The following GSE1 variants were observed in gnomAD, a reference collection of about 807,000 sequenced individuals.
GSE1 encodes Gse1 coiled-coil protein, also known as genetic suppressor element 1.
Under a neutral mutation model 112.6 loss-of-function variants are expected in GSE1, and 32 were observed. That is an observed-to-expected ratio of 0.28 (90% confidence interval 0.21 to 0.38). GSE1 has a LOEUF of 0.38. Ranked by LOEUF, GSE1 falls within the 10% of genes least tolerant of loss-of-function variation. The probability of loss-of-function intolerance (pLI) is 1.00; values close to 1 mark genes in which losing one functional copy is unlikely to be tolerated. For synonymous variants in GSE1, 1,115 were observed against 735.6 expected (o/e 1.52, Z -8.35); for missense variants, 2,348 against 1,699.2 (o/e 1.38, Z -6.71).
chr16:85,364,438 A>T (rs927454168), intron 2 of GSE1, among the ~76,000 whole-genome samples: 2 of 152,166 alleles, frequency 1.3e-5, no homozygotes, highest in Non-Finnish European at 2.9e-5. Context: ...AGGGATTGGG[A>T]TGTAGACATC....
chr16:85,665,149 C>G, intron 12 of GSE1, 21 bp downstream of exon 12: 1 of 1,410,346 alleles, frequency 7.1e-7, no homozygotes, highest in Non-Finnish European at 1.0e-6. Context: ...GATAGCCCCA[C>G]CTGCCACCAC....
intron 3 of GSE1, among the ~76,000 whole-genome samples, chr16:85,653,424 TA>T (rs1368066793): frequency 6.7e-6 from 1 of 148,792 alleles, no homozygotes; most frequent in Non-Finnish European, 1.5e-5. Context: ...TCTGCGTGGC[TA>T]GGGGTGGCAC....
intron 2 of GSE1, among the ~76,000 whole-genome samples, chr16:85,516,970 T>TTTG (rs1177433835): frequency 7.2e-5 from 11 of 152,136 alleles, no homozygotes; most frequent in Non-Finnish European, 1.3e-4. Context: ...GCTAATTTTT[T>TTTG]GTATTTTTAG....
At chr16:85,272,464 G>C (rs932398593) in intron 1 of GSE1, among the ~76,000 whole-genome samples, 1 of 152,172 alleles carries the variant, frequency 6.6e-6, no homozygotes, top group Non-Finnish European at 1.5e-5. Flanking sequence ...TCTGGTTTTG[G>C]TGAGATCTTT....
chr16:85,654,507 G>C, intron 4 of GSE1, 57 bp downstream of exon 4: 1 of 1,444,884 alleles, frequency 6.9e-7, no homozygotes, highest in African/African-American at 1.4e-5. Context: ...CAGTGCTCAG[G>C]GTCTGGGTCC....
intron 2 of GSE1, among the ~76,000 whole-genome samples, chr16:85,403,455 G>C (rs537940854): frequency 4.6e-5 from 7 of 152,212 alleles, no homozygotes; most frequent in African/African-American, 2.4e-5. Context: ...GGTTAAGTTT[G>C]TTAATGAATG....
At chr16:85,656,087 G>A (rs977823251) in intron 6 of GSE1, among the ~76,000 whole-genome samples, 170 bp downstream of exon 6, 4 of 152,154 alleles carry the variant, frequency 2.6e-5, no homozygotes, top group African/African-American at 4.8e-5. Context: ...CTGAAATAGC[G>A]CCTGTCTCGG....
chr16:85,644,357 AAAAG>A (rs1377567738), intron 2 of GSE1, among the ~76,000 whole-genome samples: 4 of 151,676 alleles, frequency 2.6e-5, no homozygotes, highest in Admixed American at 2.0e-4. Context: ...AAAAAAAAAA[AAAAG>A]AGTGTTGGGC....
chr16:85,188,792 C>A (rs1567599054), intron 1 of GSE1, among the ~76,000 whole-genome samples: 1 of 148,086 alleles, frequency 6.8e-6, no homozygotes, highest in Non-Finnish European at 1.5e-5. Flanking sequence ...TAGAGTGGGA[C>A]CTTATCTCTA....
intron 1 of GSE1, among the ~76,000 whole-genome samples, chr16:85,571,675 T>C (rs1178991872): frequency 2.0e-5 from 3 of 152,056 alleles, no homozygotes; most frequent in Non-Finnish European, 4.4e-5. Context: ...CCTTTTGACA[T>C]TAAACACAGG....
Position 85,401,204 on chromosome 16 carries a change from G to A in GSE1, c.2464+43561G>A, listed in dbSNP as rs530775308. On this transcript the variant is annotated intron_variant, in intron 2 of 2. Transcript: ENST00000637419. ...AGAGGGAGTGAGGCCAACGTCATGC[G>A]TTATTCAGCGGCTCCTGATTTCACA... Among the ~76,000 whole-genome samples, 6 of 152,334 alleles carry A rather than the reference G, an allele frequency of 3.9e-5. No individual in the cohort carries two copies. The East Asian group carries it at 5.8e-4, about 15-fold the overall frequency.
chr16:85,491,409 A>G (rs1305719674), intron 2 of GSE1, among the ~76,000 whole-genome samples: 1 of 152,086 alleles, frequency 6.6e-6, no homozygotes, highest in East Asian at 1.9e-4. Context: ...TGGAAGATGC[A>G]GGGTATTCTG....
intron 1 of GSE1, among the ~76,000 whole-genome samples, chr16:85,567,941 C>T (rs1368482772): frequency 1.3e-5 from 2 of 152,162 alleles, no homozygotes; most frequent in African/African-American, 4.8e-5. Context: ...CCAGGCTGAT[C>T]TCGCATTCCT....
chr16:85,195,489 C>T lies in GSE1; in HGVS notation c.2283+23682C>T, dbSNP rs200667320. 8.5e-5 allele frequency among the ~76,000 whole-genome samples: 13 copies of T among 152,282 alleles called. No homozygotes were observed. The East Asian group carries it at 2.1e-3, about 25-fold the overall frequency. On this transcript the variant is annotated intron_variant, in intron 1 of 2. Coordinates refer to the GSE1 transcript ENST00000637419. ...AGGTTAAGTCACTTGCCTCGAGTCA[C>T]GCAGGGGATGGACTTGGATGCAGCT...
upstream of GSE1, among the ~76,000 whole-genome samples, chr16:85,608,485 G>GC (rs1174470010): frequency 1.3e-5 from 2 of 151,790 alleles, no homozygotes; most frequent in African/African-American, 4.8e-5. Flanking sequence ...CTGGACAGCT[G>GC]CCCAGAGGTA....
chr16:85,624,564 C>T (rs1009995067), intron 1 of GSE1, among the ~76,000 whole-genome samples: 2 of 152,254 alleles, frequency 1.3e-5, no homozygotes, highest in African/African-American at 4.8e-5. Flanking sequence ...TGACGCCAGC[C>T]ATTTCCAATC....
chr16:85,518,139 C>G (rs368676289), intron 2 of GSE1, among the ~76,000 whole-genome samples: 21 of 152,360 alleles, frequency 1.4e-4, no homozygotes, highest in Admixed American at 1.4e-3. Context: ...GAGGCTGCTG[C>G]CACGGCCCCG....
chr16:85,482,959 C>A (rs1253524469), intron 2 of GSE1, among the ~76,000 whole-genome samples: 1 of 135,292 alleles, frequency 7.4e-6, no homozygotes, highest in Non-Finnish European at 1.5e-5. Flanking sequence ...GCCAGGATGA[C>A]AGAGTGAGAC....
At position 85,310,802 on chromosome 16, in the gene GSE1, A is replaced by T. The variant is rs535240317; in HGVS notation, c.2284-46661A>T. Among the ~76,000 whole-genome samples, 4 of 43,630 alleles carry T rather than the reference A, an allele frequency of 9.2e-5. No homozygotes were observed. The South Asian group carries it at 3.1e-3, about 34-fold the overall frequency. 28.6% of individuals were successfully genotyped at this position (43,630 alleles called of 152,430 possible). On this transcript the variant is annotated intron_variant, in intron 1 of 2. Transcript: ENST00000637419. ...GCGTCCCCCCCCCACCCACCTCCCCAGCCCAGCCCCTCCCCTCAACACCCA... is the reference window on the plus strand; with the variant it reads ...GCGTCCCCCCCCCACCCACCTCCCCTGCCCAGCCCCTCCCCTCAACACCCA...
Sources: gnomAD v4.1 joint callset for allele counts (sites outside exome capture counted in the v4.1 genomes callset) on GRCh38, gnomAD v4.1.1 for gene constraint, MANE v1.5 for transcripts, NCBI Gene and HGNC (gene_info 2026-07-23, HGNC 2026-07-21) for gene names.